The following SMAP2 variants were observed in gnomAD, a reference collection of about 807,000 sequenced individuals.
The protein encoded by SMAP2 is small ArfGAP2.
In SMAP2, 25 loss-of-function variants were observed where a neutral mutation model predicts 56.4. That is an observed-to-expected ratio of 0.44 (90% CI 0.32 to 0.62). SMAP2 has a LOEUF of 0.62. SMAP2 is among the 20% of genes least tolerant of loss of function. The pLI, the probability that SMAP2 is intolerant of heterozygous loss-of-function variation, is 0.04. For missense variants in SMAP2, 388 were observed against 545.6 expected (o/e 0.71, Z 2.88); for synonymous variants, 157 against 181.7 (o/e 0.86, Z 1.09).
chr1:40,392,319 C>G (rs1644724981), intron 1 of SMAP2, among the ~76,000 whole-genome samples: 1 of 151,900 alleles, frequency 6.6e-6, no homozygotes. Flanking sequence ...CTGGGATGCT[C>G]TGGGATTCCA....
At chr1:40,360,726 G>A (rs1466908618) in intron 1 of SMAP2, among the ~76,000 whole-genome samples, 1 of 152,190 alleles carries the variant, frequency 6.6e-6, no homozygotes, top group Non-Finnish European at 1.5e-5. Flanking sequence ...CTTTGCATTA[G>A]AACTCAGTGC....
intron 1 of SMAP2, among the ~76,000 whole-genome samples, chr1:40,399,375 G>A (rs1422925118): frequency 1.4e-5 from 2 of 141,302 alleles, no homozygotes; most frequent in Non-Finnish European, 3.0e-5. Flanking sequence ...GGCCAGGCTT[G>A]TCTCAAACTC....
At chr1:40,375,244 G>T (rs1644530451) in intron 1 of SMAP2, among the ~76,000 whole-genome samples, 1 of 152,016 alleles carries the variant, frequency 6.6e-6, no homozygotes, top group Admixed American at 6.5e-5. Flanking sequence ...TTTCCCTTTG[G>T]TTGGGTCGAA....
chr1:40,347,276 A>C (rs1644393129), intron 1 of SMAP2, among the ~76,000 whole-genome samples: 1 of 147,264 alleles, frequency 6.8e-6, no homozygotes, highest in Non-Finnish European at 1.5e-5. Context: ...TTTAAAGCAA[A>C]GATGGAGTTT....
intron 1 of SMAP2, among the ~76,000 whole-genome samples, chr1:40,381,867 G>A (rs887665548): frequency 1.3e-5 from 2 of 152,152 alleles, no homozygotes; most frequent in African/African-American, 4.8e-5. Context: ...ATGTACCTTT[G>A]TGGGTACATT....
chr1:40,417,533 G>C (rs1194331342), intron 9 of SMAP2, among the ~76,000 whole-genome samples: 4 of 152,138 alleles, frequency 2.6e-5, no homozygotes, highest in Non-Finnish European at 5.9e-5. Context: ...CAGGGGCCTA[G>C]CAATAATACC....
At position 40,423,231 on chromosome 1, in the gene SMAP2, CTT is replaced by C. The variant is rs1645061021; in HGVS notation, c.*1132_*1133del. On this transcript the variant is annotated 3_prime_UTR_variant, in exon 10 of 10. Coordinates refer to ENST00000372718, the MANE Select transcript of SMAP2 (RefSeq NM_022733.3). The stretch of plus-strand genomic sequence containing the variant: ...CCACTTGAAAATTCAGACAAGAAAA[CTT>C]TGCTTAAAAGATTTCATGTGTGGGA... The C allele has an allele frequency of 6.5e-6, 1 of 152,672 alleles. No individual in the cohort carries two copies. The highest frequency in any genetic ancestry group is 1.5e-5 in the Non-Finnish European group (1 of 68,060). The allele number at this position is 152,672 out of a possible 1,614,324, so 9.5% of individuals were successfully genotyped here. A position where few individuals can be genotyped will look rare whatever the true frequency, so the allele number is the denominator to read the frequency against.
At chr1:40,393,292 GC>G (rs1644734987) in intron 1 of SMAP2, 1 of 1,496,620 alleles carries the variant, frequency 6.7e-7, no homozygotes, top group African/African-American at 1.4e-5. Flanking sequence ...GGGCAACAAA[GC>G]AACAAACCCT....
Position 40,421,972 on chromosome 1 carries a change from T to C in SMAP2, c.1165-4T>C. On this transcript the variant is annotated splice_polypyrimidine_tract_variant and splice_region_variant and intron_variant, in intron 9 of 9. Coordinates refer to ENST00000372718, the MANE Select transcript of SMAP2 (RefSeq NM_022733.3). The stretch of plus-strand genomic sequence containing the variant: ...GGTCTGAAAGTCTCCTCTCTCCCTT[T>C]CAGATGACCCAGCAGATGGCTGGGA... 6.2e-7 allele frequency: 1 copy of C among 1,614,108 alleles called. No homozygotes were observed. Among genetic ancestry groups the C allele is most frequent in the Non-Finnish European group, 8.5e-7 (1 of 1,180,004 alleles).
intron 9 of SMAP2, among the ~76,000 whole-genome samples, chr1:40,419,592 T>C (rs1645023409): frequency 1.3e-5 from 2 of 152,088 alleles, no homozygotes; most frequent in African/African-American, 4.8e-5. Context: ...GCTGAGAATT[T>C]TTAAAAACAG....
At position 40,411,911 on chromosome 1, in the gene SMAP2, C is replaced by T. The variant is rs565389427; in HGVS notation, c.403-1105C>T. Among the ~76,000 whole-genome samples the T allele has an allele frequency of 3.4e-4, 52 of 152,094 alleles. No individual in the cohort carries two copies. In the East Asian group the frequency reaches 9.3e-3, roughly 27 times the overall value. ...ATAATTATCTTCTTGGTGTGTTCCC[C>T]TTTTTTTCTAAATAGTTTCTTTTTG... is the stretch of plus-strand genomic sequence containing the variant. On this transcript the variant is annotated intron_variant, in intron 4 of 9. Transcript: ENST00000372718.
intron 1 of SMAP2, among the ~76,000 whole-genome samples, chr1:40,392,335 A>G (rs1644725067): frequency 6.6e-6 from 1 of 151,892 alleles, no homozygotes; most frequent in Non-Finnish European, 1.5e-5. Context: ...TTCCAAAGCC[A>G]TGATTCAGAC....
chr1:40,395,082 T>C lies in SMAP2; in HGVS notation c.104-11654T>C, dbSNP rs559535609. Among the ~76,000 whole-genome samples the C allele has an allele frequency of 3.0e-3, 458 of 152,308 alleles. 2 individuals are homozygous for C. Among genetic ancestry groups the C allele is most frequent in the Middle Eastern group, 6.8e-3 (2 of 294 alleles). On this transcript the variant is annotated intron_variant, in intron 1 of 9. Coordinates refer to ENST00000372718, the MANE Select transcript of SMAP2 (RefSeq NM_022733.3). ...TAAAGACCCAGATCACAGGAGAATT[T>C]AAGCCATACTTAGAAGTTTGGAGTT...
intron 1 of SMAP2, among the ~76,000 whole-genome samples, chr1:40,345,677 T>C (rs906616386): frequency 6.6e-6 from 1 of 151,660 alleles, no homozygotes; most frequent in Non-Finnish European, 1.5e-5. Context: ...CTTCAACATG[T>C]CGTGAATTTA....
chr1:40,400,425 A>G (rs537261153), intron 1 of SMAP2, among the ~76,000 whole-genome samples: 49 of 152,250 alleles, frequency 3.2e-4, no homozygotes, highest in Non-Finnish European at 5.6e-4. Flanking sequence ...CTCAAGGGAG[A>G]AGAGAATGTA....
chr1:40,365,599 C>G (rs926201410), intron 2 of SMAP2, among the ~76,000 whole-genome samples: 1 of 152,184 alleles, frequency 6.6e-6, no homozygotes, highest in Non-Finnish European at 1.5e-5. Context: ...CGCAGAAGAC[C>G]GGTGATTTCT....
chr1:40,348,395 G>A (rs1281115002), intron 1 of SMAP2, among the ~76,000 whole-genome samples: 2 of 152,034 alleles, frequency 1.3e-5, no homozygotes, highest in African/African-American at 2.4e-5. Context: ...CCAACATGGA[G>A]GTTGAAATAT....
chr1:40,358,665 T>C (rs1438896115), intron 1 of SMAP2, among the ~76,000 whole-genome samples: 2 of 152,244 alleles, frequency 1.3e-5, no homozygotes, highest in African/African-American at 4.8e-5. Flanking sequence ...TCCTTGAGAA[T>C]GATCCATGTG....
At position 40,415,012 on chromosome 1, in the gene SMAP2, C is replaced by G. The variant is rs548936863; in HGVS notation, c.572-260C>G. Reference sequence around the variant, plus strand: ...AGCCAGAAGGGAGCCAGCCAGCCCCCCACTGTGGTGCTGAAATACCCTTCA... The same window carrying G: ...AGCCAGAAGGGAGCCAGCCAGCCCCGCACTGTGGTGCTGAAATACCCTTCA... On this transcript the variant is annotated intron_variant, in intron 6 of 9. Transcript: ENST00000372718. 8.4e-4 allele frequency among the ~76,000 whole-genome samples: 128 copies of G among 152,322 alleles called. 1 individual carries two copies. Among genetic ancestry groups the G allele is most frequent in the Non-Finnish European group, 1.6e-3 (108 of 68,034 alleles).
Sources: allele counts gnomAD v4.1 joint callset (sites outside exome capture counted in the v4.1 genomes callset), GRCh38; gene constraint gnomAD v4.1.1; transcripts MANE v1.5; gene names NCBI Gene and HGNC (gene_info 2026-07-23, HGNC 2026-07-21).